FFAR4: variants seen among roughly 807,000 people sequenced by gnomAD.
FFAR4 encodes the protein free fatty acid receptor 4.
Under a neutral mutation model 27.0 loss-of-function variants are expected in FFAR4, and 19 were observed. The observed-to-expected ratio is 0.70, with a 90% confidence interval of 0.49 to 1.03. The LOEUF (loss-of-function observed/expected upper bound fraction) is 1.03. Ranked by LOEUF, FFAR4 falls within the 50% of genes least tolerant of loss-of-function variation. FFAR4 has a pLI of 0.00. For synonymous variants in FFAR4, 254 were observed against 215.6 expected, an observed-to-expected ratio of 1.18 and a Z score of -1.56; for missense variants, 476 against 479.0, an observed-to-expected ratio of 0.99 and a Z score of 0.06.
intron 2 of FFAR4, chr10:93,579,275 C>A (rs2134550034): frequency 2.3e-6 from 3 of 1,321,210 alleles, no homozygotes; most frequent in South Asian, 2.4e-5. Flanking sequence ...ACCACCCTCA[C>A]CTTAAGGCCC....
In FFAR4 at chr10:93,567,257, C is replaced by A. The variant is rs374501937; in HGVS notation, c.537C>A (p.Val179=). 6.2e-7 allele frequency: 1 copy of A among 1,600,450 alleles called. No homozygotes were observed. The change falls in exon 1 of 3, where the codon GTC becomes GTA. Residue 179 remains valine, a synonymous_variant. Transcript: ENST00000371481. ...TGCCTCTCTGCGTCTTCTTCCGAGT[C>A]GTCCCGCAACGGCTCCCCGGCGCCG... ...AALPLCVFFR[V]VPQRLPGADQ...
rs768613727 is a variant in FFAR4 at position 93,587,285 on chromosome 10, C to T, written c.762C>T (p.Arg254=). The T allele has an allele frequency of 7.4e-6, 12 of 1,613,960 alleles. No homozygotes were observed. The highest frequency in any genetic ancestry group is 3.3e-5 in the South Asian group (3 of 91,086). Reference sequence around the variant, plus strand: ...CCTACTCGGAGAGCCACCAGATCCGCGTGTCCCAGCAGGACTTCCGGCTCT... The same window carrying T: ...CCTACTCGGAGAGCCACCAGATCCGTGTGTCCCAGCAGGACTTCCGGCTCT... ...SLAYSESHQI[R]VSQQDFRLFR... The change falls in exon 3 of 3, where the codon CGC becomes CGT. Residue 254 remains arginine (R), a synonymous_variant. Coordinates refer to ENST00000371481, the MANE Select transcript of FFAR4 (RefSeq NM_001195755.2).
At chr10:93,587,169 C>T in intron 2 of FFAR4, 51 bp from the exon 3 acceptor site, 1 of 1,539,454 alleles carries the variant, frequency 6.5e-7, no homozygotes, top group Non-Finnish European at 8.8e-7. Context: ...CTCAAAATCC[C>T]CAACAACCCT....
At chr10:93,585,966 C>T (rs895601975) in intron 2 of FFAR4, among the ~76,000 whole-genome samples, 4 of 152,214 alleles carry the variant, frequency 2.6e-5, no homozygotes, top group African/African-American at 9.6e-5. Flanking sequence ...GATCCATTTT[C>T]TCCCGCTCCT....
intron 2 of FFAR4, among the ~76,000 whole-genome samples, chr10:93,586,778 C>T (rs371795640): frequency 1.3e-5 from 2 of 152,220 alleles, no homozygotes; most frequent in African/African-American, 4.8e-5. Context: ...TTCCAGAAAG[C>T]CATATGGGAA....
rs192874398 is a variant in FFAR4 at position 93,588,364 on chromosome 10, G to A, written c.*755G>A. The A allele has an allele frequency of 6.6e-6, 1 of 151,524 alleles. No homozygotes were observed. Among genetic ancestry groups the A allele is most frequent in the East Asian group, 1.9e-4 (1 of 5,154 alleles). 9.4% of individuals were successfully genotyped at this position (151,524 alleles called of 1,614,324 possible). On this transcript the variant is annotated 3_prime_UTR_variant, in exon 3 of 3. Coordinates refer to ENST00000371481, the MANE Select transcript of FFAR4 (RefSeq NM_001195755.2). ...TTCGTTGATGTCAAGAGCAATTGAA[G>A]AATTTCTAAGGAACAGTTAAAGATG... is the stretch of plus-strand genomic sequence containing the variant.
At chr10:93,581,160 A>G (rs956715232) in intron 2 of FFAR4, among the ~76,000 whole-genome samples, 6 of 152,258 alleles carry the variant, frequency 3.9e-5, no homozygotes, top group South Asian at 2.1e-4. Context: ...AGCACATAGC[A>G]GGGGCATATA....
At position 93,566,909 on chromosome 10, in the gene FFAR4, G is replaced by T; in HGVS notation, c.189G>T (p.Val63=). ...TGCTGGGCAACGTGTGCGCCCTGGT[G>T]CTGGTGGCGCGCCGACGACGCCGCG... ...VSLLGNVCAL[V]LVARRRRRGA... Residue 63 remains valine, a synonymous_variant, in exon 1 of 3, where the codon GTG becomes GTT. Transcript: ENST00000371481. The T allele has an allele frequency of 6.2e-7, 1 of 1,608,624 alleles. No individual in the cohort carries two copies. The highest frequency in any genetic ancestry group is 1.1e-5 in the South Asian group (1 of 90,512).
In FFAR4 at chr10:93,583,415, C is replaced by CA. The variant is rs56306969; in HGVS notation, c.697-3789dup. ...TGGGTGACAGAGCGAGACTCCGCTT[C>CA]AAAAAAAAAAAAAAAAGTAGGACGC... is the stretch of plus-strand genomic sequence containing the variant. On this transcript the variant is annotated intron_variant, in intron 2 of 2. Coordinates refer to ENST00000371481, the MANE Select transcript of FFAR4 (RefSeq NM_001195755.2). Among the ~76,000 whole-genome samples, 290 of 111,170 alleles carry CA rather than the reference C, an allele frequency of 2.6e-3. 2 individuals are homozygous for CA. The highest frequency in any genetic ancestry group is 0.02 in the East Asian group (71 of 3,560). 72.9% of individuals were successfully genotyped at this position (111,170 alleles called of 152,430 possible). A position where few individuals can be genotyped will look rare whatever the true frequency, so the allele number is the denominator to read the frequency against.
intron 1 of FFAR4, among the ~76,000 whole-genome samples, chr10:93,573,546 C>G (rs1290350437): frequency 2.0e-5 from 3 of 152,216 alleles, no homozygotes; most frequent in Non-Finnish European, 4.4e-5. Flanking sequence ...ACTTGGATCT[C>G]TGTGGGCATG....
intron 1 of FFAR4, among the ~76,000 whole-genome samples, chr10:93,574,929 T>G (rs1372750994): frequency 1.3e-5 from 2 of 152,188 alleles, no homozygotes; most frequent in African/African-American, 4.8e-5. Flanking sequence ...ACAGGTTTCT[T>G]TCCAGTCACC....
At chr10:93,583,406 A>C (rs1403859809) in intron 2 of FFAR4, among the ~76,000 whole-genome samples, 2 of 142,066 alleles carry the variant, frequency 1.4e-5, no homozygotes, top group Non-Finnish European at 3.1e-5. Flanking sequence ...ACAGAGCGAG[A>C]CTCCGCTTCA....
Position 93,587,427 on chromosome 10 carries a change from CTCT to C in FFAR4, c.911_913del (p.Phe304del), listed in dbSNP as rs772906407. ...GCAAGACCTGGTCATCTGGCCGTCCCTCTTCTTCTGGGTGGTGGCCTTCACATT... is the reference window on the plus strand; with the variant it reads ...GCAAGACCTGGTCATCTGGCCGTCCCTCTTCTGGGTGGTGGCCTTCACATT... On this transcript the variant is annotated inframe_deletion, in exon 3 of 3. Coordinates refer to ENST00000371481, the MANE Select transcript of FFAR4 (RefSeq NM_001195755.2). 14 of 1,614,018 alleles carry C rather than the reference CTCT, an allele frequency of 8.7e-6. No individual in the cohort carries two copies. The highest frequency in any genetic ancestry group is 1.2e-5 in the Non-Finnish European group (14 of 1,180,026).
chr10:93,572,130 G>C (rs1489397533), intron 1 of FFAR4, among the ~76,000 whole-genome samples: 1 of 152,188 alleles, frequency 6.6e-6, no homozygotes, highest in African/African-American at 2.4e-5. Flanking sequence ...CTGGAAAAAG[G>C]CAGGCTTGGT....
At chr10:93,575,946 G>A in intron 1 of FFAR4, 145 bp from the exon 2 acceptor site, 1 of 705,278 alleles carries the variant, frequency 1.4e-6, no homozygotes, top group Non-Finnish European at 2.4e-6. Flanking sequence ...GTGGGCAGTG[G>A]GAGGGATTCT....
Position 93,567,229 on chromosome 10 carries a change from C to T in FFAR4, c.509C>T (p.Ala170Val). 1 of 1,601,312 alleles carries T rather than the reference C, an allele frequency of 6.2e-7. No homozygotes were observed. Among genetic ancestry groups the T allele is most frequent in the Non-Finnish European group, 8.5e-7 (1 of 1,179,602 alleles). The change falls in exon 1 of 3, where the codon GCT (alanine) becomes GTT (valine). Residue 170 changes from alanine to valine, a missense_variant. By Grantham distance (64) the Ala-to-Val change is moderately conservative (BLOSUM62 0). Transcript: ENST00000371481. ...ATCTGGGGCTATTCGGCGGTCGCCG[C>T]TCTGCCTCTCTGCGTCTTCTTCCGA... ...ALIWGYSAVAALPLCVFFRVV... is the reference protein window; with the variant it reads ...ALIWGYSAVAVLPLCVFFRVV...
chr10:93,567,536 G>A (rs1211142374), intron 1 of FFAR4, among the ~76,000 whole-genome samples: 2 of 152,306 alleles, frequency 1.3e-5, no homozygotes, highest in East Asian at 1.9e-4. Context: ...TGACTGTTGC[G>A]AGGTTAATTA....
rs1246013548 is a variant in FFAR4 at position 93,588,178 on chromosome 10, T to A, written c.*569T>A. The A allele has an allele frequency of 6.6e-6, 1 of 152,268 alleles. No individual in the cohort carries two copies. Among genetic ancestry groups the A allele is most frequent in the Non-Finnish European group, 1.5e-5 (1 of 68,270 alleles). The allele number at this position is 152,268 out of a possible 1,614,324, so 9.4% of individuals were successfully genotyped here. ...TTGTAATATGATCAAATTTAATAAA[T>A]ATTTATTTATGACTGTTCAGCAATC... On this transcript the variant is annotated 3_prime_UTR_variant, in exon 3 of 3. Coordinates refer to ENST00000371481, the MANE Select transcript of FFAR4 (RefSeq NM_001195755.2).
At position 93,567,140 on chromosome 10, in the gene FFAR4, C is replaced by T. The variant is rs2058102710; in HGVS notation, c.420C>T (p.Ile140=). The T allele has an allele frequency of 1.2e-6, 2 of 1,606,890 alleles. No homozygotes were observed. Among genetic ancestry groups the T allele is most frequent in the African/African-American group, 1.3e-5 (1 of 74,844 alleles). Reference sequence around the variant, plus strand: ...TCAGCCTGGAGCGCATGGTGTGCATCGTGCACCTGCAGCGCGGCGTGCGGG... The same window carrying T: ...TCAGCCTGGAGCGCATGGTGTGCATTGTGCACCTGCAGCGCGGCGTGCGGG... ...AAVSLERMVC[I]VHLQRGVRGP... is the part of the protein sequence containing the mutation. Residue 140 remains isoleucine (I), a synonymous_variant, in exon 1 of 3, where the codon ATC becomes ATT. Transcript: ENST00000371481.
Sources: allele counts gnomAD v4.1 joint callset (sites outside exome capture counted in the v4.1 genomes callset), GRCh38; gene constraint gnomAD v4.1.1; transcripts MANE v1.5; gene names NCBI Gene and HGNC (gene_info 2026-07-23, HGNC 2026-07-21).